EYS: variants seen among roughly 807,000 people sequenced by gnomAD.
The protein encoded by EYS is protein eyes shut homolog.
Under a neutral mutation model 282.1 loss-of-function variants are expected in EYS, and 250 were observed. The ratio of observed to expected loss-of-function variants is 0.89; its 90% CI spans 0.80 to 0.98. The LOEUF is 0.98. EYS is among the 50% of genes least tolerant of loss of function. The pLI is 0.00. For synonymous variants in EYS, 1,355 were observed against 1,282.9 expected (o/e 1.06, Z -1.20); for missense variants, 4,016 against 3,709.0 (o/e 1.08, Z -2.15).
At chr6:64,148,850 C>A (rs1040809668) in intron 31 of EYS, among the ~76,000 whole-genome samples, 4 of 151,998 alleles carry the variant, frequency 2.6e-5, no homozygotes, top group African/African-American at 9.7e-5. Context: ...AGAAATGTTA[C>A]AGAAAAATGT....
chr6:64,653,449 G>A (rs138958117), intron 22 of EYS, among the ~76,000 whole-genome samples: 2 of 152,266 alleles, frequency 1.3e-5, no homozygotes, highest in African/African-American at 4.8e-5. Context: ...GAATATATTA[G>A]GCGGGTTAAT....
At chr6:64,887,391 T>G (rs1767129522) in intron 18 of EYS, among the ~76,000 whole-genome samples, 1 of 151,900 alleles carries the variant, frequency 6.6e-6, no homozygotes, top group South Asian at 2.1e-4. Context: ...GTAACAAATC[T>G]GCACGTTGTG....
chr6:64,389,372 T>C (rs1439643857), intron 28 of EYS, among the ~76,000 whole-genome samples: 1 of 152,210 alleles, frequency 6.6e-6, no homozygotes, highest in Non-Finnish European at 1.5e-5. Flanking sequence ...AATTTCCATA[T>C]GCCCATTCTT....
At chr6:64,136,474 T>C (rs543892942) in intron 31 of EYS, among the ~76,000 whole-genome samples, 5 of 152,280 alleles carry the variant, frequency 3.3e-5, no homozygotes, top group Admixed American at 3.3e-4. Flanking sequence ...CCTAGATTCA[T>C]TGGAGGAATC....
intron 36 of EYS, among the ~76,000 whole-genome samples, chr6:63,817,673 A>G (rs1390058554): frequency 6.6e-6 from 1 of 152,246 alleles, no homozygotes; most frequent in Non-Finnish European, 1.5e-5. Flanking sequence ...GCTAAACTCC[A>G]GATTCCTGGA....
chr6:64,055,259 AT>A (rs141933673), intron 33 of EYS, among the ~76,000 whole-genome samples: 4 of 151,344 alleles, frequency 2.6e-5, no homozygotes, highest in Admixed American at 6.6e-5. Context: ...AGTAGTGAGC[AT>A]TTTTTTTTCT....
chr6:65,437,476 C>T (rs955341010), intron 5 of EYS, among the ~76,000 whole-genome samples: 2 of 151,934 alleles, frequency 1.3e-5, no homozygotes, highest in Admixed American at 6.6e-5. Flanking sequence ...TCATTGTTAT[C>T]GCCACAATTA....
intron 34 of EYS, among the ~76,000 whole-genome samples, chr6:63,990,008 C>T (rs571955022): frequency 6.6e-6 from 1 of 151,552 alleles, no homozygotes; most frequent in South Asian, 2.1e-4. Flanking sequence ...AATAATATCT[C>T]CTCACCTTTT....
intron 18 of EYS, among the ~76,000 whole-genome samples, chr6:64,901,416 G>C (rs909577259): frequency 2.0e-5 from 3 of 151,136 alleles, no homozygotes; most frequent in Non-Finnish European, 4.4e-5. Context: ...AATGCAGGGA[G>C]ACTACAATAA....
At chr6:63,853,572 A>C (rs551472288) in intron 36 of EYS, among the ~76,000 whole-genome samples, 1 of 152,344 alleles carries the variant, frequency 6.6e-6, no homozygotes, top group South Asian at 2.1e-4. Flanking sequence ...AGTAATTTAT[A>C]AATTCAATGC....
chr6:64,394,973 A>C (rs1366578941), intron 28 of EYS, among the ~76,000 whole-genome samples: 1 of 152,224 alleles, frequency 6.6e-6, no homozygotes, highest in African/African-American at 2.4e-5. Flanking sequence ...TGGGCGAAGG[A>C]TATGAACAGA....
At chr6:64,215,058 T>A (rs1444771962) in intron 31 of EYS, among the ~76,000 whole-genome samples, 1 of 152,004 alleles carries the variant, frequency 6.6e-6, no homozygotes, top group Non-Finnish European at 1.5e-5. Context: ...TATCTAAAGA[T>A]CTAGAGGATA....
At chr6:65,643,863 G>C (rs1767366694) in intron 1 of EYS, among the ~76,000 whole-genome samples, 1 of 152,098 alleles carries the variant, frequency 6.6e-6, no homozygotes, top group Admixed American at 6.5e-5. Flanking sequence ...TCCCTAGGGG[G>C]AGGGGGTACA....
chr6:64,308,591 A>G (rs1769546929), intron 29 of EYS, among the ~76,000 whole-genome samples: 1 of 152,200 alleles, frequency 6.6e-6, no homozygotes, highest in African/African-American at 2.4e-5. Context: ...TTAATTTTTG[A>G]ATTAAAATTA....
chr6:63,791,874 G>A (rs1402115771), intron 37 of EYS, among the ~76,000 whole-genome samples: 1 of 152,072 alleles, frequency 6.6e-6, no homozygotes, highest in Admixed American at 6.6e-5. Context: ...ATTCAGAAGA[G>A]GAAATGATAC....
At chr6:64,168,215 C>G (rs965974826) in intron 31 of EYS, among the ~76,000 whole-genome samples, 1 of 152,128 alleles carries the variant, frequency 6.6e-6, no homozygotes, top group Admixed American at 6.5e-5. Context: ...GAGCCAAGAT[C>G]ACGCCACTGC....
chr6:65,538,636 A>C (rs1768048925), intron 2 of EYS, among the ~76,000 whole-genome samples: 1 of 152,228 alleles, frequency 6.6e-6, no homozygotes. Flanking sequence ...TAATGTTTGA[A>C]TGGATAATGA....
chr6:64,670,105 G>A (rs186321050), intron 22 of EYS, among the ~76,000 whole-genome samples: 28 of 150,970 alleles, frequency 1.9e-4, no homozygotes, highest in Non-Finnish European at 3.5e-4. Context: ...TGATCTCCCC[G>A]TCTCTAAGGG....
chr6:65,409,382 A>G (rs1376663821), intron 5 of EYS, among the ~76,000 whole-genome samples: 1 of 152,212 alleles, frequency 6.6e-6, no homozygotes, highest in Non-Finnish European at 1.5e-5. Flanking sequence ...ATACTTGTCA[A>G]TCTGTTCAAT....
Sources: allele counts gnomAD v4.1 joint callset (sites outside exome capture counted in the v4.1 genomes callset), GRCh38; gene constraint gnomAD v4.1.1; transcripts MANE v1.5; gene names NCBI Gene and HGNC (gene_info 2026-07-23, HGNC 2026-07-21).